The following STRN3 variants were observed in gnomAD, a reference collection of about 807,000 sequenced individuals.
STRN3 encodes the protein striatin 3.
Under a neutral mutation model 95.6 loss-of-function variants are expected in STRN3, and 29 were observed. That is an observed-to-expected ratio of 0.30 (90% CI 0.23 to 0.41). STRN3 has a LOEUF of 0.41. STRN3 is among the 10% of genes least tolerant of loss of function. STRN3 has a pLI of 1.00. For missense variants in STRN3, 890 were observed against 972.1 expected (o/e 0.92, Z 1.12); for synonymous variants, 331 against 357.6 (o/e 0.93, Z 0.84).
chr14:30,920,119 T>C (rs1896843961), intron 8 of STRN3, among the ~76,000 whole-genome samples: 1 of 152,162 alleles, frequency 6.6e-6, no homozygotes, highest in African/African-American at 2.4e-5. Context: ...TGTAAGTAAC[T>C]CTAAGAACTA....
chr14:30,913,406 T>C (rs1896658495), intron 10 of STRN3, 118 bp downstream of exon 10: 5 of 1,138,226 alleles, frequency 4.4e-6, no homozygotes, highest in Non-Finnish European at 5.9e-6. Flanking sequence ...AATCAACACA[T>C]TGACACAAAC....
chr14:30,963,441 T>C (rs1165689313), intron 1 of STRN3, among the ~76,000 whole-genome samples: 2 of 152,214 alleles, frequency 1.3e-5, no homozygotes, highest in African/African-American at 4.8e-5. Context: ...CAGGGTCTCA[T>C]TCTATCACCC....
intron 5 of STRN3, among the ~76,000 whole-genome samples, chr14:30,939,953 G>A (rs1879013275): frequency 6.6e-6 from 1 of 151,766 alleles, no homozygotes; most frequent in Admixed American, 6.6e-5. Context: ...ATATTAGTAT[G>A]TCCATGTAAA....
rs1281191893 is a variant in STRN3 at position 30,903,267 on chromosome 14, C to CAT, written c.2030-626_2030-625dup. Among the ~76,000 whole-genome samples, 1,052 of 151,044 alleles carry CAT rather than the reference C, an allele frequency of 7.0e-3. 13 individuals are homozygous for CAT. The highest frequency in any genetic ancestry group is 0.022 in the African/African-American group (895 of 41,188). ...ATTACACCTAAACATATAAAAAATACATATATATATATAGTTACCTATGTA... is the reference window on the plus strand; with the variant it reads ...ATTACACCTAAACATATAAAAAATACATATATATATATATAGTTACCTATGTA... On this transcript the variant is annotated intron_variant, in intron 15 of 17. Coordinates refer to ENST00000357479, the MANE Select transcript of STRN3 (RefSeq NM_001083893.2).
At chr14:30,972,199 G>T (rs1365383026) in intron 1 of STRN3, among the ~76,000 whole-genome samples, 1 of 152,066 alleles carries the variant, frequency 6.6e-6, no homozygotes, top group African/African-American at 2.4e-5. Context: ...ACTCCACCCT[G>T]ACTCACCTGC....
Position 30,947,242 on chromosome 14 carries a change from A to G in STRN3, c.564T>C (p.Tyr188=). The G allele has an allele frequency of 6.3e-7, 1 of 1,597,186 alleles. No homozygotes were observed. Among genetic ancestry groups the G allele is most frequent in the South Asian group, 1.1e-5 (1 of 87,302 alleles). The change falls in exon 5 of 18, where the codon TAT becomes TAC. Residue 188 remains tyrosine, a synonymous_variant. Coordinates refer to ENST00000357479, the MANE Select transcript of STRN3 (RefSeq NM_001083893.2). ...LLRQYLQEVG[Y]TDTILDVRSQ... is the part of the protein sequence containing the mutation. ...ACCGTACATCTAATATTGTATCTGT[A>G]TAACCTACTTCCTGAAGATACCTGT...
intron 1 of STRN3, 178 bp downstream of exon 1, chr14:31,025,726 A>C: frequency 2.3e-6 from 2 of 860,472 alleles, no homozygotes; most frequent in Non-Finnish European, 3.4e-6. Flanking sequence ...CTTATGCGGG[A>C]AAGAGGGAGG....
In STRN3 at chr14:30,950,275, T is replaced by C. The variant is rs184590352; in HGVS notation, c.542+588A>G. ...AAAGATAGTTCTACAAGATCAAGAGTGAAGGTAAAGATACCTACAGCAGAA... is the reference window on the plus strand; with the variant it reads ...AAAGATAGTTCTACAAGATCAAGAGCGAAGGTAAAGATACCTACAGCAGAA... On this transcript the variant is annotated intron_variant, in intron 4 of 17. Transcript: ENST00000357479. 2.2e-3 allele frequency among the ~76,000 whole-genome samples: 337 copies of C among 151,912 alleles called. 1 individual carries two copies. Among genetic ancestry groups the C allele is most frequent in the Non-Finnish European group, 2.8e-3 (191 of 67,936 alleles).
At position 30,895,569 on chromosome 14, in the gene STRN3, AAC is replaced by A; in HGVS notation, c.2234_2235del (p.Cys745PhefsTer25). The stretch of plus-strand genomic sequence containing the variant: ...CTGTCTAAATTCCATAATCTGATGG[AAC>A]AGTCATGGCCTGTAAAAGAACAAAT... ...GIYLMSGSHD[C>X]SIRLWNLDSK... is the part of the protein sequence containing the mutation. On this transcript the variant is annotated frameshift_variant, in exon 18 of 18. Coordinates refer to ENST00000357479, the MANE Select transcript of STRN3 (RefSeq NM_001083893.2). LOFTEE classifies it high-confidence loss of function. 1 of 1,613,726 alleles carries A rather than the reference AAC, an allele frequency of 6.2e-7. No individual in the cohort carries two copies. Among genetic ancestry groups the A allele is most frequent in the Non-Finnish European group, 8.5e-7 (1 of 1,179,742 alleles).
intron 9 of STRN3, among the ~76,000 whole-genome samples, 182 bp from the exon 10 acceptor site, chr14:30,913,839 G>A (rs1445901448): frequency 6.6e-6 from 1 of 152,122 alleles, no homozygotes; most frequent in African/African-American, 2.4e-5. Context: ...TGGAACTGTG[G>A]TGTATTAACT....
chr14:30,965,226 T>C (rs1370196015), intron 1 of STRN3, among the ~76,000 whole-genome samples: 1 of 152,144 alleles, frequency 6.6e-6, no homozygotes, highest in African/African-American at 2.4e-5. Flanking sequence ...TGTAAAAATA[T>C]CCACCTTCTT....
intron 1 of STRN3, among the ~76,000 whole-genome samples, chr14:30,979,333 G>A (rs1018363020): frequency 2.6e-4 from 39 of 152,054 alleles, no homozygotes; most frequent in Non-Finnish European, 4.6e-4. Flanking sequence ...TAGGCCCAAA[G>A]AAAAAGGTTT....
intron 1 of STRN3, among the ~76,000 whole-genome samples, chr14:30,995,188 G>A (rs1882142323): frequency 1.3e-5 from 2 of 152,124 alleles, no homozygotes; most frequent in Admixed American, 1.3e-4. Flanking sequence ...TTCCACGAAA[G>A]TTAAAAATAA....
chr14:30,970,415 T>C (rs1330949917), intron 1 of STRN3, among the ~76,000 whole-genome samples: 1 of 152,200 alleles, frequency 6.6e-6, no homozygotes, highest in Non-Finnish European at 1.5e-5. Context: ...GTTTTTGTAA[T>C]TTCCTAAAAC....
At chr14:30,929,965 A>ACAAAAAAC (rs79477795) in intron 7 of STRN3, among the ~76,000 whole-genome samples, 1 of 143,456 alleles carries the variant, frequency 7.0e-6, no homozygotes, top group East Asian at 2.0e-4. Flanking sequence ...AAAAAAAAAA[A>ACAAAAAAC]AAAAAAAAAA....
chr14:30,921,551 G>A (rs990332381), intron 8 of STRN3, among the ~76,000 whole-genome samples: 2 of 152,170 alleles, frequency 1.3e-5, no homozygotes, highest in African/African-American at 2.4e-5. Flanking sequence ...GATGAAAGCA[G>A]ATTTCATTTA....
chr14:30,949,260 G>A (rs1879518874), intron 4 of STRN3, among the ~76,000 whole-genome samples: 1 of 152,054 alleles, frequency 6.6e-6, no homozygotes, highest in South Asian at 2.1e-4. Context: ...AGGAGAGCCT[G>A]GACTGATAAA....
chr14:30,926,015 G>C (rs1317482552), intron 8 of STRN3, among the ~76,000 whole-genome samples: 2 of 151,724 alleles, frequency 1.3e-5, no homozygotes, highest in Non-Finnish European at 2.9e-5. Flanking sequence ...AGAAGTTTGT[G>C]ATCCATAAAC....
intron 15 of STRN3, among the ~76,000 whole-genome samples, chr14:30,903,997 A>AT: frequency 6.6e-6 from 1 of 152,324 alleles, no homozygotes; most frequent in Non-Finnish European, 1.5e-5. Flanking sequence ...AAGTTGAAGT[A>AT]TTTTACTTTT....
Sources: gnomAD v4.1 joint callset for allele counts (sites outside exome capture counted in the v4.1 genomes callset) on GRCh38, gnomAD v4.1.1 for gene constraint, MANE v1.5 for transcripts, NCBI Gene and HGNC (gene_info 2026-07-23, HGNC 2026-07-21) for gene names.